Variants in SORBS2 observed in about 807,000 individuals in gnomAD.
The protein encoded by SORBS2 is sorbin and SH3 domain containing 2.
In SORBS2, 46 loss-of-function variants were observed where a neutral mutation model predicts 97.7. That is an observed-to-expected ratio of 0.47 (90% CI 0.37 to 0.60). The LOEUF (loss-of-function observed/expected upper bound fraction) is 0.60, where lower values mean the gene tolerates loss of function less well. Among genes scored for constraint, SORBS2 ranks in the 20% least tolerant of loss-of-function variants. The pLI is 0.00. For missense variants in SORBS2, 1,316 were observed against 1,282.3 expected (o/e 1.03, Z -0.40); for synonymous variants, 476 against 473.4 (o/e 1.01, Z -0.07).
chr4:185,821,137 C>T (rs578036932), intron 1 of SORBS2, among the ~76,000 whole-genome samples: 1 of 152,274 alleles, frequency 6.6e-6, no homozygotes, highest in African/African-American at 2.4e-5. Context: ...GCAAGGGGAG[C>T]AGAGGGAACA....
chr4:185,777,033 T>C (rs547340222), intron 1 of SORBS2, among the ~76,000 whole-genome samples: 1 of 152,104 alleles, frequency 6.6e-6, no homozygotes, highest in South Asian at 2.1e-4. Context: ...TTATGGAAAA[T>C]ACTGAGGATT....
intron 2 of SORBS2, 47 bp from the exon 4 acceptor site, chr4:185,690,658 A>C: frequency 1.3e-6 from 1 of 785,678 alleles, no homozygotes; most frequent in South Asian, 2.0e-5. Context: ...ATGTGGAAGA[A>C]AATATCATGA....
At position 185,710,847 on chromosome 4, in the gene SORBS2, C is replaced by A. The variant is rs376202382; in HGVS notation, c.-197-32025G>T. Among the ~76,000 whole-genome samples, 9 of 152,348 alleles carry A rather than the reference C, an allele frequency of 5.9e-5. No individual in the cohort carries two copies. In the East Asian group the frequency reaches 1.7e-3, roughly 29 times the overall value. Reference sequence around the variant, plus strand: ...TGCTGCCTGATGAGCTTAGGGAAACCCGGTAAACACCGATGTGCTCTCCCA... The same window carrying A: ...TGCTGCCTGATGAGCTTAGGGAAACACGGTAAACACCGATGTGCTCTCCCA... On this transcript the variant is annotated intron_variant, in intron 2 of 20. Coordinates refer to the SORBS2 transcript ENST00000284776.
chr4:185,780,170 C>T (rs902140874), intron 1 of SORBS2, among the ~76,000 whole-genome samples: 11 of 151,904 alleles, frequency 7.2e-5, no homozygotes, highest in Non-Finnish European at 1.5e-4. Context: ...CATGCATCAC[C>T]ACACCCGGTT....
rs75485352 is a variant in SORBS2, at chr4:185,682,263, T to C, written c.-197-3441A>G. 4.0e-3 allele frequency among the ~76,000 whole-genome samples: 606 copies of C among 152,344 alleles called. 4 individuals are homozygous for C. Among genetic ancestry groups the C allele is most frequent in the African/African-American group, 0.014 (578 of 41,578 alleles). Reference sequence around the variant, plus strand: ...CATGCAGGTGGTATCGACAAGACCCTGTCTCTTGGCGGAGTGGTCCCCATA... The same window carrying C: ...CATGCAGGTGGTATCGACAAGACCCCGTCTCTTGGCGGAGTGGTCCCCATA... On this transcript the variant is annotated intron_variant, in intron 2 of 20. Coordinates refer to the SORBS2 transcript ENST00000284776.
chr4:185,833,633 C>G (rs1470771877), intron 1 of SORBS2, among the ~76,000 whole-genome samples: 1 of 152,150 alleles, frequency 6.6e-6, no homozygotes, highest in Non-Finnish European at 1.5e-5. Flanking sequence ...CTATGGGATT[C>G]ATCATATTTC....
intron 2 of SORBS2, among the ~76,000 whole-genome samples, chr4:185,756,320 T>A (rs2098830395): frequency 6.6e-6 from 1 of 152,198 alleles, no homozygotes; most frequent in African/African-American, 2.4e-5. Flanking sequence ...AGCTATAATT[T>A]TGCTGTTTAT....
chr4:185,623,332 A>G lies in SORBS2; in HGVS notation c.1797T>C (p.Ser599=), dbSNP rs770382769. 10 of 1,613,952 alleles carry G rather than the reference A, an allele frequency of 6.2e-6. No homozygotes were observed. The Admixed American group carries it at 1.0e-4, about 16-fold the overall frequency. The change falls in exon 7 of 15, where the codon TCT becomes TCC. Residue 599 remains serine, a synonymous_variant. Transcript: ENST00000418609. The surrounding 1 kb of genome is among the most constrained non-coding windows in gnomAD (Gnocchi z 6.4). ...CAGGACTGACTAGAAAAGCAAGTTT[A>G]GAAAGGCCAGGGTCCATTTCTTGCC...
intron 2 of SORBS2, among the ~76,000 whole-genome samples, chr4:185,717,847 G>T (rs914452647): frequency 2.0e-5 from 3 of 152,180 alleles, no homozygotes; most frequent in Admixed American, 6.5e-5. Flanking sequence ...ATGACCTGGG[G>T]TGAGTTACTT....
intron 1 of SORBS2, among the ~76,000 whole-genome samples, chr4:185,818,778 A>G (rs1163535012): frequency 5.9e-5 from 9 of 151,792 alleles, no homozygotes; most frequent in Non-Finnish European, 1.3e-4. Flanking sequence ...GTGAGCCGAG[A>G]TCGTGCCACT....
chr4:185,854,039 T>C (rs560843746), intron 1 of SORBS2, among the ~76,000 whole-genome samples: 5 of 152,306 alleles, frequency 3.3e-5, no homozygotes, highest in East Asian at 3.9e-4. Context: ...AAACAGGTTC[T>C]ATACTAAAGA....
intron 4 of SORBS2, among the ~76,000 whole-genome samples, chr4:185,662,971 A>G (rs930186555): frequency 6.6e-6 from 1 of 152,196 alleles, no homozygotes; most frequent in African/African-American, 2.4e-5. Flanking sequence ...ATGGTCATAT[A>G]TATGCTTCTT....
At chr4:185,890,217 T>C (rs774659433) in intron 1 of SORBS2, among the ~76,000 whole-genome samples, 5 of 152,220 alleles carry the variant, frequency 3.3e-5, no homozygotes, top group Non-Finnish European at 2.9e-5. Context: ...TTTATTAATA[T>C]ATCACTTTTT....
chr4:185,821,181 A>G (rs1221166733), intron 1 of SORBS2, among the ~76,000 whole-genome samples: 1 of 152,176 alleles, frequency 6.6e-6, no homozygotes, highest in East Asian at 1.9e-4. Context: ...AAGGGGCCAC[A>G]CGCGAGCTAA....
At chr4:185,814,893 A>C (rs1030152409) in intron 1 of SORBS2, among the ~76,000 whole-genome samples, 16 of 152,214 alleles carry the variant, frequency 1.1e-4, no homozygotes, top group African/African-American at 3.9e-4. Context: ...GCCCATTGGC[A>C]TTGCTCTGAC....
chr4:185,734,450 G>C (rs1482416670), intron 2 of SORBS2, among the ~76,000 whole-genome samples: 1 of 152,148 alleles, frequency 6.6e-6, no homozygotes, highest in Non-Finnish European at 1.5e-5. Flanking sequence ...GGTGAAGCAG[G>C]CAGGGTGATA....
At chr4:185,937,221 G>A (rs566837689) in intron 1 of SORBS2, among the ~76,000 whole-genome samples, 4 of 152,178 alleles carry the variant, frequency 2.6e-5, no homozygotes, top group Non-Finnish European at 4.4e-5. Flanking sequence ...AACTGGAGGA[G>A]CATGTTTCCT....
At chr4:185,666,163 G>C (rs2097594205) in intron 4 of SORBS2, 1 of 1,289,738 alleles carries the variant, frequency 7.8e-7, no homozygotes. Context: ...TGTCTGTGAA[G>C]CATTTACCTC....
At chr4:185,812,749 C>A (rs6552924) in intron 1 of SORBS2, among the ~76,000 whole-genome samples, 46,284 of 152,086 alleles carry the variant, frequency 0.3, 7,281 homozygotes, top group Non-Finnish European at 0.34. Flanking sequence ...TTAATAAGAT[C>A]TTTAAATATC....
Sources: gnomAD v4.1 joint callset for allele counts (sites outside exome capture counted in the v4.1 genomes callset) on GRCh38, gnomAD v4.1.1 for gene constraint, Gnocchi (gnomAD v3.1) non-coding constraint, MANE v1.5 for transcripts, NCBI Gene and HGNC (gene_info 2026-07-23, HGNC 2026-07-21) for gene names.